ABR: variants seen among roughly 807,000 people sequenced by gnomAD.
ABR encodes active breakpoint cluster region-related protein.
A neutral mutation model predicts 107.2 loss-of-function variants in ABR; 35 were observed. That is an observed-to-expected ratio of 0.33 (90% CI 0.25 to 0.43). ABR has a LOEUF of 0.43. ABR is among the 20% of genes least tolerant of loss of function. The pLI, the probability that ABR is intolerant of heterozygous loss-of-function variation, is 1.00. For missense variants in ABR, 815 were observed against 1,115.2 expected (o/e 0.73, Z 3.83); for synonymous variants, 498 against 462.0 (o/e 1.08, Z -1.00).
intron 2 of ABR, among the ~76,000 whole-genome samples, chr17:1,108,084 A>T (rs1322126086): frequency 6.6e-6 from 1 of 152,246 alleles, no homozygotes; most frequent in Non-Finnish European, 1.5e-5. Context: ...CTCGCCTAGC[A>T]GTCTGCAAAC....
At chr17:1,138,710 C>T (rs895467234) in intron 1 of ABR, among the ~76,000 whole-genome samples, 4 of 152,074 alleles carry the variant, frequency 2.6e-5, no homozygotes, top group Admixed American at 2.6e-4. Context: ...AACTCCTGGC[C>T]TCAAAGAGTC....
At chr17:1,115,972 A>G (rs1229039965) in intron 2 of ABR, among the ~76,000 whole-genome samples, 1 of 150,320 alleles carries the variant, frequency 6.7e-6, no homozygotes, top group African/African-American at 2.5e-5. Flanking sequence ...CACGCCTGTA[A>G]TCCCAGCACT....
intron 1 of ABR, among the ~76,000 whole-genome samples, chr17:1,202,167 A>C (rs1244977020): frequency 6.6e-6 from 1 of 152,210 alleles, no homozygotes; most frequent in Non-Finnish European, 1.5e-5. Context: ...TCTGTTGCCC[A>C]GGTTGGGGCA....
At chr17:1,185,946 C>G (rs2042285550) in intron 1 of ABR, among the ~76,000 whole-genome samples, 1 of 152,032 alleles carries the variant, frequency 6.6e-6, no homozygotes, top group Admixed American at 6.6e-5. Context: ...AGCGATTCTC[C>G]TGCCTCAGCC....
At chr17:1,191,354 CTT>C (rs761910557), upstream of ABR, among the ~76,000 whole-genome samples, 4,878 of 96,324 alleles carry the variant, frequency 0.051, 333 homozygotes, top group African/African-American at 0.19. Flanking sequence ...TTTTTCTTTT[CTT>C]TTTTTTTTTT....
chr17:1,067,384 GC>G, intron 9 of ABR, 142 bp from the exon 10 acceptor site: 1 of 844,796 alleles, frequency 1.2e-6, no homozygotes, highest in South Asian at 1.8e-5. Flanking sequence ...CTCCTGAGGA[GC>G]CTGATTGGGA....
At chr17:1,019,672 C>T (rs919184578) in intron 16 of ABR, among the ~76,000 whole-genome samples, 1 of 152,272 alleles carries the variant, frequency 6.6e-6, no homozygotes, top group Non-Finnish European at 1.5e-5. Context: ...TCCAGAGAAA[C>T]GCTGCTGCCC....
chr17:1,122,857 T>A (rs992786441), intron 2 of ABR, among the ~76,000 whole-genome samples: 2 of 152,210 alleles, frequency 1.3e-5, no homozygotes, highest in Admixed American at 1.3e-4. Context: ...TGGCTGCATA[T>A]TTGGGCGTGG....
chr17:1,082,553 C>T (rs551944011), intron 5 of ABR, among the ~76,000 whole-genome samples: 80 of 152,132 alleles, frequency 5.3e-4, no homozygotes, highest in Non-Finnish European at 8.7e-4. Context: ...AGCAGAAGCA[C>T]GCGTGTTCCC....
chr17:1,061,905 C>G (rs1303546738), intron 10 of ABR, among the ~76,000 whole-genome samples: 1 of 152,214 alleles, frequency 6.6e-6, no homozygotes, highest in Non-Finnish European at 1.5e-5. Flanking sequence ...GAAAATAGCG[C>G]TGTCCCTGGA....
At chr17:1,053,942 A>T (rs2032900177) in intron 14 of ABR, among the ~76,000 whole-genome samples, 1 of 152,018 alleles carries the variant, frequency 6.6e-6, no homozygotes, top group South Asian at 2.1e-4. Flanking sequence ...GGGTCTGGAG[A>T]GAGTTCAGGA....
intron 4 of ABR, among the ~76,000 whole-genome samples, 165 bp downstream of exon 4, chr17:1,091,500 C>G (rs1159696691): frequency 1.3e-5 from 2 of 152,222 alleles, no homozygotes; most frequent in East Asian, 3.9e-4. Flanking sequence ...GCCCCGGCCC[C>G]AGGCACCCCA....
In ABR at chr17:1,121,273, C is replaced by T. The variant is rs145501062; in HGVS notation, c.246+3910G>A. On this transcript the variant is annotated intron_variant, in intron 2 of 22. Transcript: ENST00000302538. ...TCCTGCCAACACCGCAGAGACCCGGCTTCACCCGGGGCCACCCCATGTGGC... is the reference window on the plus strand; with the variant it reads ...TCCTGCCAACACCGCAGAGACCCGGTTTCACCCGGGGCCACCCCATGTGGC... Among the ~76,000 whole-genome samples the T allele has an allele frequency of 7.4e-4, 113 of 152,376 alleles. 1 individual carries two copies. The East Asian group carries it at 0.018, about 24-fold the overall frequency.
At chr17:1,174,041 C>T (rs1340293561) in intron 1 of ABR, among the ~76,000 whole-genome samples, 2 of 152,334 alleles carry the variant, frequency 1.3e-5, no homozygotes, top group East Asian at 3.9e-4. Context: ...CAGATCATAC[C>T]TCAGACAGAG....
rs191315970 is a variant in ABR, at chr17:1,186,565, C to T, written c.-78+235G>A. ...CTTCCCAGGGGCCGAGTTGAAGCCC[C>T]GTTCCCATGGCCAGGGGCCACAGCA... On this transcript the variant is annotated intron_variant, in intron 1 of 22. Transcript: ENST00000544583. 1.1e-3 allele frequency among the ~76,000 whole-genome samples: 167 copies of T among 152,348 alleles called. 1 individual carries two copies. Among genetic ancestry groups the T allele is most frequent in the Admixed American group, 9.5e-3 (145 of 15,306 alleles).
chr17:1,091,596 G>A (rs538705117), intron 4 of ABR, 69 bp downstream of exon 4: 7 of 1,540,890 alleles, frequency 4.5e-6, no homozygotes, highest in Non-Finnish European at 5.3e-6. Context: ...GTCCTCTCCT[G>A]AGGCTCCTGC....
intron 16 of ABR, among the ~76,000 whole-genome samples, chr17:1,023,650 C>A (rs551475546): frequency 6.6e-6 from 1 of 152,320 alleles, no homozygotes; most frequent in Admixed American, 6.5e-5. Context: ...GGAAGCTTCA[C>A]GCTGGAGGCC....
Position 1,078,881 on chromosome 17 carries a change from G to C in ABR, c.700+449C>G. The C allele has an allele frequency of 1.3e-6, 2 of 1,535,428 alleles. No individual in the cohort carries two copies. Among genetic ancestry groups the C allele is most frequent in the Non-Finnish European group, 1.7e-6 (2 of 1,146,740 alleles). ...CCATGGCAGCCTCTGTCCCCGCGGC[G>C]GGAGCGTGCAGCCATCGCTCCAGGC... On this transcript the variant is annotated intron_variant, in intron 6 of 22. Transcript: ENST00000302538. The surrounding 1 kb of genome is among the most constrained non-coding windows in gnomAD (Gnocchi z 7.5).
upstream of ABR, among the ~76,000 whole-genome samples, chr17:1,180,449 C>A (rs1284167554): frequency 6.6e-6 from 1 of 152,180 alleles, no homozygotes; most frequent in Non-Finnish European, 1.5e-5. Flanking sequence ...TTCCCCCGCT[C>A]GTCCCTTTCC....
Sources: gnomAD v4.1 joint callset for allele counts (sites outside exome capture counted in the v4.1 genomes callset) on GRCh38, gnomAD v4.1.1 for gene constraint, Gnocchi (gnomAD v3.1) non-coding constraint, MANE v1.5 for transcripts, NCBI Gene and HGNC (gene_info 2026-07-23, HGNC 2026-07-21) for gene names.